Variants in SLC16A1 observed in about 807,000 individuals in gnomAD.
SLC16A1 encodes the protein monocarboxylate transporter 1.
Under a neutral mutation model 32.2 loss-of-function variants are expected in SLC16A1, and 11 were observed. The observed-to-expected ratio is 0.34, with a 90% CI of 0.21 to 0.56. The LOEUF (loss-of-function observed/expected upper bound fraction) is 0.56, where lower values mean the gene tolerates loss of function less well. Ranked by LOEUF, SLC16A1 falls within the 20% of genes least tolerant of loss-of-function variation. The pLI, the probability that SLC16A1 is intolerant of heterozygous loss-of-function variation, is 0.87. For missense variants in SLC16A1, 435 were observed against 615.0 expected (o/e 0.71, Z 3.10); for synonymous variants, 231 against 226.8 (o/e 1.02, Z -0.17).
intron 1 of SLC16A1, among the ~76,000 whole-genome samples, chr1:112,939,756 C>G (rs1210506572): frequency 1.3e-5 from 2 of 152,118 alleles, no homozygotes; most frequent in African/African-American, 4.8e-5. Context: ...CCACCCACCT[C>G]GGTCTCCCAA....
intron 3 of SLC16A1, among the ~76,000 whole-genome samples, chr1:112,919,243 C>T (rs1648629720): frequency 6.6e-6 from 1 of 151,870 alleles, no homozygotes; most frequent in Non-Finnish European, 1.5e-5. Flanking sequence ...ACCGTATTAG[C>T]CAGGATGGTC....
chr1:112,949,914 T>C (rs539317455), intron 1 of SLC16A1, among the ~76,000 whole-genome samples: 2 of 152,304 alleles, frequency 1.3e-5, no homozygotes, highest in Admixed American at 1.3e-4. Flanking sequence ...ATTAACAATG[T>C]GCTTTTAAAA....
In SLC16A1 at chr1:112,931,012, C is replaced by T. The variant is rs190351789; in HGVS notation, c.-44-1660G>A. Among the ~76,000 whole-genome samples the T allele has an allele frequency of 9.1e-4, 139 of 152,340 alleles. 5 individuals carry two copies. The East Asian group carries it at 0.023, about 25-fold the overall frequency. On this transcript the variant is annotated intron_variant, in intron 1 of 4. Transcript: ENST00000369626. ...GGGATTACAGGCATGAGCCACCACT[C>T]CCAGCCCCAATGCTACAGGTTTTAA...
chr1:112,924,788 G>A (rs1394238663), intron 2 of SLC16A1, among the ~76,000 whole-genome samples: 2 of 152,124 alleles, frequency 1.3e-5, no homozygotes, highest in Non-Finnish European at 2.9e-5. Context: ...TCGGGAGGCT[G>A]AGGCGAAGAA....
At chr1:112,937,577 C>CT (rs1156367895) in intron 1 of SLC16A1, among the ~76,000 whole-genome samples, 1 of 151,868 alleles carries the variant, frequency 6.6e-6, no homozygotes, top group South Asian at 2.1e-4. Context: ...ATATTATTTC[C>CT]TTTTTTAACT....
At chr1:112,950,626 C>G (rs1176302508) in intron 1 of SLC16A1, among the ~76,000 whole-genome samples, 1 of 152,206 alleles carries the variant, frequency 6.6e-6, no homozygotes, top group Non-Finnish European at 1.5e-5. Context: ...CCTTCAATGG[C>G]TCAGCCCATG....
At chr1:112,914,795 C>T (rs962068159) in intron 4 of SLC16A1, among the ~76,000 whole-genome samples, 3 of 152,190 alleles carry the variant, frequency 2.0e-5, no homozygotes, top group African/African-American at 7.2e-5. Context: ...AGTCTGCACC[C>T]TTAAGCATGT....
chr1:112,915,582 TTCAAGGAGACTGAAGA>T (rs1648474597), intron 4 of SLC16A1, among the ~76,000 whole-genome samples: 7 of 152,134 alleles, frequency 4.6e-5, no homozygotes. Context: ...AACTGGAGAC[TTCAAGGAGACTGAAGA>T]ACAGCTAGAA....
intron 1 of SLC16A1, among the ~76,000 whole-genome samples, chr1:112,934,128 G>C (rs565614141): frequency 7.2e-5 from 11 of 152,204 alleles, no homozygotes; most frequent in Non-Finnish European, 1.6e-4. Flanking sequence ...ATATTAAATT[G>C]TAGAAAAGGC....
chr1:112,941,358 C>T (rs934838408), intron 1 of SLC16A1, among the ~76,000 whole-genome samples: 2 of 150,336 alleles, frequency 1.3e-5, no homozygotes, highest in Admixed American at 1.3e-4. Context: ...CTTGGCTCAC[C>T]GCAACCTCCG....
chr1:112,955,176 T>A (rs1397983211), intron 1 of SLC16A1: 1 of 152,100 alleles, frequency 6.6e-6, no homozygotes, highest in African/African-American at 2.4e-5. Context: ...CTGGTTTAGA[T>A]TAATTACAAA....
intron 2 of SLC16A1, among the ~76,000 whole-genome samples, chr1:112,927,287 T>C (rs1302276933): frequency 6.6e-6 from 1 of 151,824 alleles, no homozygotes; most frequent in African/African-American, 2.4e-5. Context: ...TATACTTTCA[T>C]GTTTAAAAAA....
Position 112,912,442 on chromosome 1 carries a change from T to C in SLC16A1, c.*1449A>G, listed in dbSNP as rs1648354542. 1 of 152,224 alleles carries C rather than the reference T, an allele frequency of 6.6e-6. No homozygotes were observed. The highest frequency in any genetic ancestry group is 6.5e-5 in the Admixed American group (1 of 15,286). 9.4% of individuals were successfully genotyped at this position (152,224 alleles called of 1,614,324 possible). A position where few individuals can be genotyped will look rare whatever the true frequency, so the allele number is the denominator to read the frequency against. On this transcript the variant is annotated 3_prime_UTR_variant, in exon 5 of 5. Transcript: ENST00000369626. ...TTTTACTCTGTCAATTACAGTGGTA[T>C]TTTAAATGCATTGAATATAATTCAT...
intron 1 of SLC16A1, among the ~76,000 whole-genome samples, chr1:112,951,557 A>C (rs1258963510): frequency 6.6e-6 from 1 of 152,196 alleles, no homozygotes; most frequent in Non-Finnish European, 1.5e-5. Flanking sequence ...TTATAGCTAA[A>C]GATTTGGATT....
At chr1:112,947,163 A>C (rs1184518711) in intron 1 of SLC16A1, among the ~76,000 whole-genome samples, 1 of 152,234 alleles carries the variant, frequency 6.6e-6, no homozygotes, top group African/African-American at 2.4e-5. Flanking sequence ...TTCTGGAATA[A>C]ATAATGGTAT....
chr1:112,923,532 G>A (rs1557846911), intron 2 of SLC16A1: 6 of 1,105,588 alleles, frequency 5.4e-6, no homozygotes, highest in Admixed American at 1.7e-5. Flanking sequence ...CGTGTACAGC[G>A]ACAGCCAGTC....
intron 3 of SLC16A1, among the ~76,000 whole-genome samples, chr1:112,919,866 T>C (rs1243980648): frequency 6.6e-6 from 1 of 152,234 alleles, no homozygotes; most frequent in Non-Finnish European, 1.5e-5. Flanking sequence ...GCTTGCCCAG[T>C]TCTTCCCTGT....
chr1:112,917,620 G>A lies in SLC16A1; in HGVS notation c.786C>T (p.Gly262=). 6.2e-7 allele frequency: 1 copy of A among 1,614,204 alleles called. No individual in the cohort carries two copies. The highest frequency in any genetic ancestry group is 1.3e-5 in the African/African-American group (1 of 75,056). ...CATTTCCAGAGAGGTATAGCAAAAAGCCTCTGTGGGTGAATAGGGTTAAGT... is the reference window on the plus strand; with the variant it reads ...CATTTCCAGAGAGGTATAGCAAAAAACCTCTGTGGGTGAATAGGGTTAAGT... The part of the protein sequence containing the change: ...FLDLTLFTHR[G]FLLYLSGNVI... Residue 262 remains glycine, a synonymous_variant, in exon 4 of 5, where the codon GGC becomes GGT. Transcript: ENST00000369626. This position sits in a 1 kb window ranked among gnomAD's most constrained non-coding sequence, Gnocchi z 4.1.
intron 2 of SLC16A1, chr1:112,923,460 TGG>T: frequency 1.4e-6 from 1 of 736,768 alleles, no homozygotes; most frequent in Non-Finnish European, 2.5e-6. Flanking sequence ...GCCATGGAGA[TGG>T]GGCGCCGTAG....
Sources: gnomAD v4.1 joint callset for allele counts (sites outside exome capture counted in the v4.1 genomes callset) on GRCh38, gnomAD v4.1.1 for gene constraint, Gnocchi (gnomAD v3.1) non-coding constraint, MANE v1.5 for transcripts, NCBI Gene and HGNC (gene_info 2026-07-23, HGNC 2026-07-21) for gene names.